CTNNA1: variants seen among roughly 807,000 people sequenced by gnomAD.
CTNNA1 encodes catenin alpha-1.
CTNNA1 carries 37 observed loss-of-function variants against 98.4 expected under a neutral mutation model. The observed-to-expected ratio is 0.38, with a 90% confidence interval of 0.29 to 0.49. The LOEUF is 0.49. Ranked by LOEUF, CTNNA1 falls within the 20% of genes least tolerant of loss-of-function variation. The probability of loss-of-function intolerance (pLI) is 0.95; values close to 1 mark genes in which losing one functional copy is unlikely to be tolerated. For missense variants in CTNNA1, 761 were observed against 1,147.2 expected, an observed-to-expected ratio of 0.66 and a Z score of 4.86; for synonymous variants, 404 against 413.2, an observed-to-expected ratio of 0.98 and a Z score of 0.27.
rs527884423 is a variant in CTNNA1, at chr5:138,913,983, T to A, written c.1390-3759T>A. 1.1e-4 allele frequency among the ~76,000 whole-genome samples: 16 copies of A among 152,354 alleles called. No individual in the cohort carries two copies. In the East Asian group the frequency reaches 2.5e-3, roughly 24 times the overall value. ...CCCCCACCTCGGCCTCCCAGAGTGC[T>A]GGGATTACAGGCGTGAGCCACTGTG... On this transcript the variant is annotated intron_variant, in intron 10 of 17. Coordinates refer to ENST00000302763, the MANE Select transcript of CTNNA1 (RefSeq NM_001903.5).
intron 11 of CTNNA1, among the ~76,000 whole-genome samples, chr5:138,921,523 G>A (rs905075888): frequency 6.7e-6 from 1 of 149,310 alleles, no homozygotes; most frequent in African/African-American, 2.5e-5. Context: ...TTGGTTTTGT[G>A]TTTAATAGCA....
intron 13 of CTNNA1, among the ~76,000 whole-genome samples, chr5:138,926,510 T>G (rs182518044): frequency 3.0e-4 from 46 of 152,232 alleles, no homozygotes; most frequent in Non-Finnish European, 5.6e-4. Context: ...TTGGCCCACT[T>G]GCCGATTTCG....
chr5:138,858,445 G>GT lies in CTNNA1; in HGVS notation c.1063-27763dup, dbSNP rs1763930138. On this transcript the variant is annotated intron_variant, in intron 7 of 17. Coordinates refer to ENST00000302763, the MANE Select transcript of CTNNA1 (RefSeq NM_001903.5). ...CCTGTCCCAGTATTTTTAAAGGTAA[G>GT]TTTTATACATACTGAAATGTACAAA... is the stretch of plus-strand genomic sequence containing the variant. 3.3e-5 allele frequency among the ~76,000 whole-genome samples: 5 copies of GT among 151,994 alleles called. No homozygotes were observed. The South Asian group carries it at 1.0e-3, about 32-fold the overall frequency.
intron 5 of CTNNA1, among the ~76,000 whole-genome samples, chr5:138,813,302 C>G (rs1481564069): frequency 2.6e-5 from 4 of 152,288 alleles, no homozygotes; most frequent in Admixed American, 2.0e-4. Context: ...AAGGACTGTT[C>G]CTTCCATATG....
intron 7 of CTNNA1, among the ~76,000 whole-genome samples, chr5:138,844,704 G>A (rs1270632301): frequency 1.3e-5 from 2 of 152,154 alleles, no homozygotes; most frequent in Non-Finnish European, 2.9e-5. Context: ...GATAATGCTA[G>A]TAATGGAGAT....
In CTNNA1 at chr5:138,925,307, C is replaced by T. The variant is rs761567176; in HGVS notation, c.1799C>T (p.Ser600Leu). 1.4e-5 allele frequency: 23 copies of T among 1,613,996 alleles called. No homozygotes were observed. Among genetic ancestry groups the T allele is most frequent in the African/African-American group, 2.7e-5 (2 of 74,902 alleles). The change falls in exon 13 of 18, where the codon TCG (serine) becomes TTG (leucine). Residue 600 changes from serine (S) to leucine (L), a missense_variant. By Grantham distance (145) the Ser-to-Leu change is moderately radical. Coordinates refer to ENST00000302763, the MANE Select transcript of CTNNA1 (RefSeq NM_001903.5). ...GAAGCAGCCGTGGAAGCCCTCAGCT[C>T]GGACCCTGCCCAGCCCATGGATGAG... Reference protein sequence around the residue: ...QVEAAVEALSSDPAQPMDENE... With the variant: ...QVEAAVEALSLDPAQPMDENE...
intron 6 of CTNNA1, among the ~76,000 whole-genome samples, chr5:138,827,193 G>T (rs887910139): frequency 1.3e-5 from 2 of 152,192 alleles, no homozygotes; most frequent in African/African-American, 4.8e-5. Context: ...CTCATCTGAT[G>T]ATTTGAATTG....
chr5:138,778,886 G>GT (rs112862618), intron 1 of CTNNA1, among the ~76,000 whole-genome samples: 3,587 of 148,258 alleles, frequency 0.024, 135 homozygotes, highest in African/African-American at 0.082. Context: ...TCAAAGTTAC[G>GT]TTTTTTTTTT....
In CTNNA1 at chr5:138,811,993, G is replaced by A. The variant is rs1758865109; in HGVS notation, c.469-190G>A. 5.8e-6 allele frequency: 3 copies of A among 517,274 alleles called. No individual in the cohort carries two copies. In the East Asian group the frequency reaches 1.0e-4, roughly 18 times the overall value. 32.0% of individuals were successfully genotyped at this position (517,274 alleles called of 1,614,324 possible). On this transcript the variant is annotated intron_variant, in intron 4 of 17. Transcript: ENST00000302763. Reference sequence around the variant, plus strand: ...TTTGTACTTTTAGAGGCCAATATTAGTGTTTTTCCCACTATGAAGCTCCTG... The same window carrying A: ...TTTGTACTTTTAGAGGCCAATATTAATGTTTTTCCCACTATGAAGCTCCTG...
chr5:138,813,924 T>C (rs994042919), intron 5 of CTNNA1, among the ~76,000 whole-genome samples: 4 of 152,216 alleles, frequency 2.6e-5, no homozygotes, highest in African/African-American at 7.2e-5. Context: ...AGCTAAATGC[T>C]ATTAAAGTCT....
intron 7 of CTNNA1, chr5:138,828,338 A>C (rs1201807538): frequency 6.6e-6 from 1 of 151,986 alleles, no homozygotes; most frequent in African/African-American, 2.4e-5. Flanking sequence ...AGGTTTGTGC[A>C]TAAAAACCCA....
chr5:138,781,698 G>T (rs896369155), intron 1 of CTNNA1, among the ~76,000 whole-genome samples: 1 of 152,300 alleles, frequency 6.6e-6, no homozygotes, highest in Admixed American at 6.5e-5. Flanking sequence ...CTGTGTGTTT[G>T]GGAATGCCCT....
At chr5:138,830,719 A>T (rs1304519938) in intron 7 of CTNNA1, among the ~76,000 whole-genome samples, 1 of 152,214 alleles carries the variant, frequency 6.6e-6, no homozygotes, top group Non-Finnish European at 1.5e-5. Flanking sequence ...TGAGTATGTG[A>T]CACATGCAAA....
chr5:138,843,349 A>G (rs567079719), intron 7 of CTNNA1, among the ~76,000 whole-genome samples: 61 of 152,236 alleles, frequency 4.0e-4, no homozygotes, highest in Non-Finnish European at 8.5e-4. Flanking sequence ...ACATGTCATC[A>G]CCATGATGGT....
intron 10 of CTNNA1, among the ~76,000 whole-genome samples, chr5:138,912,189 C>A (rs545179641): frequency 9.3e-4 from 141 of 152,156 alleles, no homozygotes; most frequent in African/African-American, 2.9e-3. Flanking sequence ...GTGGCCAGCA[C>A]AGGAGCCTGA....
intron 7 of CTNNA1, among the ~76,000 whole-genome samples, chr5:138,854,648 C>T (rs1215949901): frequency 1.3e-5 from 2 of 152,190 alleles, no homozygotes; most frequent in Non-Finnish European, 2.9e-5. Flanking sequence ...CCCACTAAGC[C>T]TCTCTATTAG....
chr5:138,915,412 A>G (rs1403585717), intron 10 of CTNNA1, among the ~76,000 whole-genome samples: 1 of 152,194 alleles, frequency 6.6e-6, no homozygotes, highest in Non-Finnish European at 1.5e-5. Context: ...AGAATTAACC[A>G]AAAAGGGGGA....
At chr5:138,907,179 G>A (rs1314506822) in intron 10 of CTNNA1, among the ~76,000 whole-genome samples, 1 of 152,118 alleles carries the variant, frequency 6.6e-6, no homozygotes, top group Non-Finnish European at 1.5e-5. Flanking sequence ...GTGCCACCAT[G>A]CCCAGCTAAT....
At chr5:138,918,553 C>T (rs1762265692) in intron 11 of CTNNA1, among the ~76,000 whole-genome samples, 1 of 152,112 alleles carries the variant, frequency 6.6e-6, no homozygotes, top group African/African-American at 2.4e-5. Flanking sequence ...CTGGGTAATT[C>T]ACCTCACAAA....
Sources: allele counts gnomAD v4.1 joint callset (sites outside exome capture counted in the v4.1 genomes callset), GRCh38; gene constraint gnomAD v4.1.1; transcripts MANE v1.5; gene names NCBI Gene and HGNC (gene_info 2026-07-23, HGNC 2026-07-21).